Variants in COL22A1 observed in about 807,000 individuals in gnomAD.
COL22A1 encodes collagen type XXII alpha 1 chain.
In COL22A1, 221 loss-of-function variants were observed where a neutral mutation model predicts 248.9. The ratio of observed to expected loss-of-function variants is 0.89; its 90% CI spans 0.80 to 0.99. The LOEUF (loss-of-function observed/expected upper bound fraction) is 0.99. Among genes scored for constraint, COL22A1 ranks in the 50% least tolerant of loss-of-function variants. The pLI is 0.00. For synonymous variants in COL22A1, 891 were observed against 793.4 expected (o/e 1.12, Z -2.07); for missense variants, 2,240 against 2,179.0 (o/e 1.03, Z -0.56).
At chr8:138,669,490 G>A (rs1278185170) in intron 41 of COL22A1, among the ~76,000 whole-genome samples, 1 of 152,182 alleles carries the variant, frequency 6.6e-6, no homozygotes, top group African/African-American at 2.4e-5. Flanking sequence ...ATGCCACGAA[G>A]GAGGCTCCTG....
chr8:138,801,753 C>T (rs1467955580), intron 11 of COL22A1, among the ~76,000 whole-genome samples: 2 of 152,120 alleles, frequency 1.3e-5, no homozygotes, highest in Non-Finnish European at 1.5e-5. Context: ...GTGGCACACA[C>T]ACAGTAATCC....
chr8:138,704,845 G>C (rs1292055146), intron 30 of COL22A1, among the ~76,000 whole-genome samples: 1 of 152,276 alleles, frequency 6.6e-6, no homozygotes, highest in African/African-American at 2.4e-5. Flanking sequence ...GCTAAAGGAG[G>C]ATGTTCGAAC....
chr8:138,606,091 A>G (rs1818395512), intron 58 of COL22A1, among the ~76,000 whole-genome samples: 1 of 152,222 alleles, frequency 6.6e-6, no homozygotes, highest in Non-Finnish European at 1.5e-5. Context: ...CCTCAGAAGT[A>G]GATGCTGTCG....
chr8:138,904,627 C>G (rs1013867962), intron 1 of COL22A1, among the ~76,000 whole-genome samples: 1 of 152,106 alleles, frequency 6.6e-6, no homozygotes, highest in African/African-American at 2.4e-5. Context: ...TCTCCCCCCA[C>G]CAGTCCCCCA....
rs1817330923 is a variant in COL22A1, at chr8:138,594,205, AAGT to A, written c.4433-9_4433-7del. The A allele has an allele frequency of 6.4e-7, 1 of 1,561,226 alleles. No homozygotes were observed. The highest frequency in any genetic ancestry group is 8.6e-7 in the Non-Finnish European group (1 of 1,161,360). ...CAGGAGGTAGGCGAGTCTGGCTGTA[AAGT>A]AGAAAAAGAGAGGCATTTCATGAAG... On this transcript the variant is annotated splice_region_variant and splice_polypyrimidine_tract_variant and intron_variant, in intron 62 of 64. Transcript: ENST00000303045.
chr8:138,652,734 G>GTTTTTTTTTTTTTTTTTTTTTTTTTTTTT (rs1564146836), intron 45 of COL22A1, among the ~76,000 whole-genome samples: 1 of 45,876 alleles, frequency 2.2e-5, no homozygotes, highest in African/African-American at 4.6e-5. Context: ...TTCCTTTTCT[G>GTTTTTTTTTTTTTTTTTTTTTTTTTTTTT]GTTTTTTTTT....
intron 22 of COL22A1, 132 bp from the exon 23 acceptor site, chr8:138,737,709 A>T: frequency 1.6e-6 from 1 of 636,980 alleles, no homozygotes; most frequent in Non-Finnish European, 2.8e-6. Flanking sequence ...GTCCCTCAGG[A>T]GTGCCCCACA....
chr8:138,743,887 C>A (rs1359353412), intron 22 of COL22A1, among the ~76,000 whole-genome samples: 1 of 152,128 alleles, frequency 6.6e-6, no homozygotes, highest in Admixed American at 6.5e-5. Context: ...AATTCTCTCC[C>A]AGCCAGGATG....
intron 23 of COL22A1, among the ~76,000 whole-genome samples, chr8:138,736,364 T>A (rs1831111285): frequency 6.6e-6 from 1 of 151,900 alleles, no homozygotes; most frequent in African/African-American, 2.4e-5. Flanking sequence ...GGGCTTGCCA[T>A]GTTTTGTCCA....
At chr8:138,607,790 C>G in intron 57 of COL22A1, 146 bp downstream of exon 57, 1 of 675,140 alleles carries the variant, frequency 1.5e-6, no homozygotes, top group Non-Finnish European at 2.5e-6. Context: ...TATGGAGCCT[C>G]TTACCTCCAA....
At position 138,675,738 on chromosome 8, in the gene COL22A1, T is replaced by C. The variant is rs186914047; in HGVS notation, c.3150+820A>G. On this transcript the variant is annotated intron_variant, in intron 41 of 64. Coordinates refer to ENST00000303045, the MANE Select transcript of COL22A1 (RefSeq NM_152888.3). Reference sequence around the variant, plus strand: ...TAAACTGGTCTTATGTCCCAAAAACTATCATTCAGTAAAGAAGGAAAGAAA... The same window carrying C: ...TAAACTGGTCTTATGTCCCAAAAACCATCATTCAGTAAAGAAGGAAAGAAA... Among the ~76,000 whole-genome samples, 295 of 152,280 alleles carry C rather than the reference T, an allele frequency of 1.9e-3. 3 individuals are homozygous for C. The highest frequency in any genetic ancestry group is 2.9e-4 in the Non-Finnish European group (20 of 68,036).
chr8:138,617,037 G>A, intron 53 of COL22A1, 79 bp from the exon 54 acceptor site: 2 of 1,487,846 alleles, frequency 1.3e-6, no homozygotes, highest in South Asian at 1.1e-5. Flanking sequence ...CTCCCTGCCG[G>A]CTTTGACCCA....
intron 53 of COL22A1, among the ~76,000 whole-genome samples, chr8:138,619,170 T>TA (rs1351320898): frequency 1.9e-4 from 29 of 152,378 alleles, no homozygotes; most frequent in African/African-American, 7.0e-4. Context: ...GATTCATTTT[T>TA]ACGTTCTATT....
intron 44 of COL22A1, 134 bp downstream of exon 44, chr8:138,660,302 A>G: frequency 1.4e-6 from 1 of 706,458 alleles, no homozygotes; most frequent in East Asian, 2.6e-5. Flanking sequence ...AACATCCCAT[A>G]TTAGTTTCCT....
chr8:138,597,896 G>A (rs1052390812), intron 61 of COL22A1, among the ~76,000 whole-genome samples: 2 of 152,202 alleles, frequency 1.3e-5, no homozygotes, highest in African/African-American at 4.8e-5. Context: ...GGCTCTGGCT[G>A]CCTGGCGTCT....
At chr8:138,786,508 T>A (rs576616310) in intron 12 of COL22A1, among the ~76,000 whole-genome samples, 5 of 152,360 alleles carry the variant, frequency 3.3e-5, no homozygotes, top group African/African-American at 1.2e-4. Flanking sequence ...AATATTAGTA[T>A]CACTGATTCT....
intron 23 of COL22A1, among the ~76,000 whole-genome samples, chr8:138,727,743 T>A (rs1318324011): frequency 6.6e-6 from 1 of 152,060 alleles, no homozygotes; most frequent in Non-Finnish European, 1.5e-5. Context: ...GTCTTAGGGG[T>A]AGCATCTTCC....
At chr8:138,911,072 C>T (rs1815417517) in intron 1 of COL22A1, among the ~76,000 whole-genome samples, 1 of 152,228 alleles carries the variant, frequency 6.6e-6, no homozygotes, top group African/African-American at 2.4e-5. Context: ...CTAGCTCAAG[C>T]ATTCCAGGTT....
chr8:138,694,376 T>C (rs534125544), intron 34 of COL22A1, 132 bp downstream of exon 34: 15 of 914,660 alleles, frequency 1.6e-5, no homozygotes, highest in African/African-American at 9.8e-5. Flanking sequence ...CTGCAGCACA[T>C]TGGGGCTGCT....
Sources: gnomAD v4.1 joint callset for allele counts (sites outside exome capture counted in the v4.1 genomes callset) on GRCh38, gnomAD v4.1.1 for gene constraint, MANE v1.5 for transcripts, NCBI Gene and HGNC (gene_info 2026-07-23, HGNC 2026-07-21) for gene names.